Variants in DMD observed in about 807,000 individuals in gnomAD.
DMD encodes mutant dystrophin.
A neutral mutation model predicts 330.1 loss-of-function variants in DMD; 63 were observed. The observed-to-expected ratio is 0.19, with a 90% CI of 0.16 to 0.24. The LOEUF is 0.24. DMD is among the 10% of genes least tolerant of loss of function. The pLI is 1.00. For missense variants in DMD, 3,344 were observed against 2,684.1 expected, an observed-to-expected ratio of 1.25 and a Z score of -5.43; for synonymous variants, 1,223 against 959.8, an observed-to-expected ratio of 1.27 and a Z score of -5.07.
At position 32,755,695 on chromosome X, in the gene DMD, T is replaced by C. The variant is rs772176338; in HGVS notation, c.649+53798A>G. Among the ~76,000 whole-genome samples, 22 of 112,445 alleles carry C rather than the reference T, an allele frequency of 2.0e-4. No homozygotes were observed. In the South Asian group the frequency reaches 8.0e-3, roughly 41 times the overall value. ...GCAATAAAAATATCAATGGTTTGAA[T>C]TTAATAACATGTTTTTTCCTTAGCA... On this transcript the variant is annotated intron_variant, in intron 7 of 78. Coordinates refer to ENST00000357033, the MANE Select transcript of DMD (RefSeq NM_004006.3).
At chrX:32,259,139 G>A (rs1457149345) in intron 43 of DMD, among the ~76,000 whole-genome samples, 1 of 109,927 alleles carries the variant, frequency 9.1e-6, no homozygotes. Flanking sequence ...TGTTTTGCCA[G>A]TGTAGCTTCT....
At chrX:32,189,695 C>G (rs1334483026) in intron 44 of DMD, among the ~76,000 whole-genome samples, 1 of 109,912 alleles carries the variant, frequency 9.1e-6, no homozygotes, top group Non-Finnish European at 1.9e-5. Context: ...ATGGGACTTT[C>G]CAGCCCCATT....
chrX:32,558,943 T>TTTTTTTTTTTTTC (rs2050655478), intron 16 of DMD, among the ~76,000 whole-genome samples: 5 of 36,859 alleles, frequency 1.4e-4, no homozygotes, highest in African/African-American at 4.4e-4. Flanking sequence ...ATTTTCTTTT[T>TTTTTTTTTTTTTC]TTTTTTTTTT....
intron 37 of DMD, among the ~76,000 whole-genome samples, chrX:32,362,546 T>C (rs1388670587): frequency 9.0e-6 from 1 of 111,230 alleles, no homozygotes; most frequent in Non-Finnish European, 1.9e-5. Flanking sequence ...TCCTAGAATA[T>C]CTATGGCAGC....
chrX:32,912,450 A>T (rs1482704250), intron 2 of DMD, among the ~76,000 whole-genome samples: 1 of 111,015 alleles, frequency 9.0e-6, no homozygotes, highest in Non-Finnish European at 1.9e-5. Context: ...CCTGTGACCC[A>T]GCAATCCCAC....
chrX:32,166,790 C>T (rs1177917848), intron 44 of DMD, among the ~76,000 whole-genome samples: 1 of 111,676 alleles, frequency 9.0e-6, no homozygotes, highest in Non-Finnish European at 1.9e-5. Flanking sequence ...GACAAAATCA[C>T]ATTCCTTGGC....
At chrX:32,608,427 T>A (rs924721677) in intron 12 of DMD, among the ~76,000 whole-genome samples, 12 of 110,286 alleles carry the variant, frequency 1.1e-4, no homozygotes, top group African/African-American at 3.6e-4. Context: ...TCAAACCAAT[T>A]TCATAGTCAA....
intron 2 of DMD, among the ~76,000 whole-genome samples, chrX:32,875,960 C>T (rs2083343850): frequency 9.0e-6 from 1 of 111,402 alleles, no homozygotes; most frequent in Non-Finnish European, 1.9e-5. Flanking sequence ...TATTGATTAC[C>T]CCCAAACCAT....
intron 7 of DMD, among the ~76,000 whole-genome samples, chrX:32,741,487 A>G (rs978692585): frequency 8.9e-6 from 1 of 111,816 alleles, no homozygotes; most frequent in Non-Finnish European, 1.9e-5. Flanking sequence ...TGTTGTCGTT[A>G]AGGTGATATC....
chrX:31,848,539 C>T (rs2093466842), intron 48 of DMD, among the ~76,000 whole-genome samples: 1 of 110,817 alleles, frequency 9.0e-6, no homozygotes, highest in African/African-American at 3.3e-5. Flanking sequence ...TTTTTTCCTC[C>T]ATGCCTTATT....
At chrX:32,237,023 C>A in intron 43 of DMD, among the ~76,000 whole-genome samples, 1 of 111,179 alleles carries the variant, frequency 9.0e-6, no homozygotes, top group Admixed American at 9.6e-5. Context: ...TATGTCTTTT[C>A]TTTGTTTATG....
At chrX:32,205,009 A>T (rs867672186) in intron 44 of DMD, among the ~76,000 whole-genome samples, 38 of 30,593 alleles carry the variant, frequency 1.2e-3, no homozygotes, top group Non-Finnish European at 2.0e-3. Flanking sequence ...TCTCTCTCAC[A>T]TACACACACA....
chrX:31,650,363 T>A (rs1021705061), intron 54 of DMD, among the ~76,000 whole-genome samples: 1 of 111,342 alleles, frequency 9.0e-6, no homozygotes, highest in African/African-American at 3.3e-5. Flanking sequence ...TATCATATTT[T>A]TGTACATAGC....
At chrX:32,473,269 G>A (rs1047180459) in intron 21 of DMD, among the ~76,000 whole-genome samples, 2 of 111,046 alleles carry the variant, frequency 1.8e-5, no homozygotes, top group Non-Finnish European at 3.8e-5. Context: ...TTTGACAGGG[G>A]TAAATAGAAA....
At chrX:32,731,996 A>G (rs1399759457) in intron 7 of DMD, among the ~76,000 whole-genome samples, 1 of 111,716 alleles carries the variant, frequency 9.0e-6, no homozygotes, top group Admixed American at 9.6e-5. Context: ...CCAAAGGCAA[A>G]GAAGTTGAAA....
chrX:31,123,540 A>G (rs1203394800), intron 78 of DMD, among the ~76,000 whole-genome samples: 1 of 112,065 alleles, frequency 8.9e-6, no homozygotes, highest in Non-Finnish European at 1.9e-5. Context: ...GTACAAATAT[A>G]TAACTGCTGC....
At chrX:31,417,527 A>C (rs946308577) in intron 60 of DMD, among the ~76,000 whole-genome samples, 4 of 110,529 alleles carry the variant, frequency 3.6e-5, no homozygotes, top group Non-Finnish European at 7.6e-5. Flanking sequence ...ATAATTTCTA[A>C]AGTCCTGTTT....
chrX:31,598,175 G>C (rs1435482143), intron 55 of DMD, among the ~76,000 whole-genome samples: 1 of 110,216 alleles, frequency 9.1e-6, no homozygotes, highest in Non-Finnish European at 1.9e-5. Context: ...CAGTAGCATA[G>C]TCACAGCTCC....
intron 2 of DMD, among the ~76,000 whole-genome samples, chrX:32,859,461 T>TCA (rs35537635): frequency 0.071 from 6,070 of 85,898 alleles, 230 homozygotes; most frequent in Non-Finnish European, 0.09. Context: ...AAGCAAGATC[T>TCA]CACACACACA....
Sources: gnomAD v4.1 joint callset for allele counts (sites outside exome capture counted in the v4.1 genomes callset) on GRCh38, gnomAD v4.1.1 for gene constraint, MANE v1.5 for transcripts, NCBI Gene and HGNC (gene_info 2026-07-23, HGNC 2026-07-21) for gene names.